Variants in MAGI2 observed in about 807,000 individuals in gnomAD.
The protein encoded by MAGI2 is membrane-associated guanylate kinase, WW and PDZ domain-containing protein 2.
MAGI2 carries 35 observed loss-of-function variants against 133.3 expected under a neutral mutation model. The observed-to-expected ratio is 0.26, with a 90% CI of 0.20 to 0.35. The LOEUF is 0.35. Among genes scored for constraint, MAGI2 ranks in the 10% least tolerant of loss-of-function variants. The pLI is 1.00. For missense variants in MAGI2, 1,636 were observed against 1,863.4 expected, an observed-to-expected ratio of 0.88 and a Z score of 2.25; for synonymous variants, 729 against 710.6, an observed-to-expected ratio of 1.03 and a Z score of -0.41.
intron 1 of MAGI2, among the ~76,000 whole-genome samples, chr7:79,275,053 G>C (rs115506756): frequency 0.025 from 3,801 of 152,048 alleles, 50 homozygotes; most frequent in Middle Eastern, 0.031. Flanking sequence ...ACTGAAATTA[G>C]GACAACAAAT....
At chr7:78,293,315 C>G (rs967912138) in intron 9 of MAGI2, among the ~76,000 whole-genome samples, 4 of 152,164 alleles carry the variant, frequency 2.6e-5, no homozygotes, top group Non-Finnish European at 5.9e-5. Flanking sequence ...ATTTATGCAG[C>G]CAACAGACAC....
intron 1 of MAGI2, among the ~76,000 whole-genome samples, chr7:79,314,552 G>A (rs907124996): frequency 6.6e-6 from 1 of 152,128 alleles, no homozygotes; most frequent in Non-Finnish European, 1.5e-5. Context: ...ACAGATTTTA[G>A]TGGATTTTCA....
rs560432620 is a variant in MAGI2 at position 78,813,533 on chromosome 7, C to T, written c.419-186294G>A. ...GGGCGCGATGGCTCACGCCTGTAATCCCAACACTTTGGGAGGCCGAGACGG... is the reference window on the plus strand; with the variant it reads ...GGGCGCGATGGCTCACGCCTGTAATTCCAACACTTTGGGAGGCCGAGACGG... On this transcript the variant is annotated intron_variant, in intron 2 of 21. Coordinates refer to ENST00000354212, the MANE Select transcript of MAGI2 (RefSeq NM_012301.4). 1.7e-3 allele frequency among the ~76,000 whole-genome samples: 254 copies of T among 152,216 alleles called. 1 individual carries two copies. The highest frequency in any genetic ancestry group is 5.7e-3 in the African/African-American group (238 of 41,524).
chr7:78,105,416 C>T (rs2151256471), intron 20 of MAGI2, among the ~76,000 whole-genome samples: 1 of 152,178 alleles, frequency 6.6e-6, no homozygotes, highest in African/African-American at 2.4e-5. Context: ...TTCAACTTTG[C>T]AAAATAATGC....
At chr7:79,230,116 A>G (rs1473941309) in intron 1 of MAGI2, among the ~76,000 whole-genome samples, 6 of 151,716 alleles carry the variant, frequency 4.0e-5, no homozygotes, top group Non-Finnish European at 2.9e-5. Context: ...TACAAAGGAC[A>G]TGAACTCATC....
At chr7:79,091,978 T>C (rs144425280) in intron 1 of MAGI2, among the ~76,000 whole-genome samples, 112 of 152,154 alleles carry the variant, frequency 7.4e-4, no homozygotes, top group African/African-American at 2.5e-3. Context: ...TTGTAAACCA[T>C]GGTACTAAAT....
chr7:78,455,084 C>T (rs1158844582), intron 6 of MAGI2, among the ~76,000 whole-genome samples: 2 of 151,898 alleles, frequency 1.3e-5, no homozygotes, highest in Non-Finnish European at 2.9e-5. Flanking sequence ...AATAATGTAT[C>T]AATATTGGCT....
At chr7:79,324,440 C>CAT (rs368012477) in intron 1 of MAGI2, among the ~76,000 whole-genome samples, 2,560 of 20,026 alleles carry the variant, frequency 0.13, 374 homozygotes, top group Middle Eastern at 0.24. Flanking sequence ...TATATATAAC[C>CAT]ATATATATAT....
chr7:79,405,874 T>C (rs1024869731), intron 1 of MAGI2, among the ~76,000 whole-genome samples: 5 of 140,502 alleles, frequency 3.6e-5, no homozygotes, highest in South Asian at 2.2e-4. Context: ...CATATTCCCC[T>C]CTAGGGTGCT....
intron 1 of MAGI2, among the ~76,000 whole-genome samples, chr7:79,102,788 G>A (rs377564607): frequency 2.4e-4 from 36 of 152,196 alleles, no homozygotes; most frequent in Admixed American, 1.0e-3. Context: ...CTTTTGATGT[G>A]TCGGCTTGGC....
chr7:79,278,242 G>T (rs566935325), intron 1 of MAGI2, among the ~76,000 whole-genome samples: 76 of 152,244 alleles, frequency 5.0e-4, no homozygotes, highest in Admixed American at 1.5e-3. Flanking sequence ...TAATGGGCCT[G>T]CTCCTCCTTC....
At chr7:79,227,214 A>G (rs1185168941) in intron 1 of MAGI2, among the ~76,000 whole-genome samples, 2 of 152,190 alleles carry the variant, frequency 1.3e-5, no homozygotes, top group African/African-American at 4.8e-5. Flanking sequence ...AAACCTCAAA[A>G]AAGTTGAATT....
chr7:78,355,812 A>C (rs191177862), intron 7 of MAGI2, among the ~76,000 whole-genome samples: 1 of 152,204 alleles, frequency 6.6e-6, no homozygotes, highest in Non-Finnish European at 1.5e-5. Context: ...ATTGTGAACT[A>C]CCTGCTTACT....
intron 1 of MAGI2, among the ~76,000 whole-genome samples, chr7:79,270,553 A>C (rs923902827): frequency 6.6e-6 from 1 of 152,148 alleles, no homozygotes; most frequent in African/African-American, 2.4e-5. Context: ...TAGGCAAGAT[A>C]GGGGATACAA....
At chr7:79,100,164 A>G (rs1055567334) in intron 1 of MAGI2, among the ~76,000 whole-genome samples, 1 of 151,968 alleles carries the variant, frequency 6.6e-6, no homozygotes, top group African/African-American at 2.4e-5. Flanking sequence ...ACTTTTTTTT[A>G]GGTTTATCTG....
chr7:78,407,162 A>C (rs1324999954), intron 6 of MAGI2, among the ~76,000 whole-genome samples: 1 of 152,070 alleles, frequency 6.6e-6, no homozygotes, highest in Non-Finnish European at 1.5e-5. Flanking sequence ...ATGCAGGTGC[A>C]AATTCTTTGC....
chr7:78,785,664 T>C (rs1263842007), intron 2 of MAGI2, among the ~76,000 whole-genome samples: 1 of 152,212 alleles, frequency 6.6e-6, no homozygotes, highest in Admixed American at 6.5e-5. Flanking sequence ...AAAGCCATAC[T>C]ATTTATTTCT....
intron 1 of MAGI2, among the ~76,000 whole-genome samples, chr7:79,222,271 A>G (rs759007369): frequency 2.0e-5 from 3 of 152,084 alleles, no homozygotes; most frequent in Non-Finnish European, 4.4e-5. Flanking sequence ...TGGTAGCCAA[A>G]GTGTCAATAT....
chr7:79,441,442 T>A (rs1049030911), intron 1 of MAGI2, among the ~76,000 whole-genome samples: 3 of 152,192 alleles, frequency 2.0e-5, no homozygotes, highest in Non-Finnish European at 4.4e-5. Context: ...AAAGGGAGAT[T>A]TGGGATAAGA....
Sources: gnomAD v4.1 joint callset for allele counts (sites outside exome capture counted in the v4.1 genomes callset) on GRCh38, gnomAD v4.1.1 for gene constraint, MANE v1.5 for transcripts, NCBI Gene and HGNC (gene_info 2026-07-23, HGNC 2026-07-21) for gene names.